The following LUZP2 variants were observed in gnomAD, a reference collection of about 807,000 sequenced individuals.
LUZP2 encodes leucine zipper protein 2.
In LUZP2, 52 loss-of-function variants were observed where a neutral mutation model predicts 51.6. The ratio of observed to expected loss-of-function variants is 1.01; its 90% CI spans 0.81 to 1.27. LUZP2 has a LOEUF of 1.27. Ranked by LOEUF, LUZP2 falls within the 50% of genes most tolerant of loss-of-function variation. The pLI, the probability that LUZP2 is intolerant of heterozygous loss-of-function variation, is 0.00. For synonymous variants in LUZP2, 154 were observed against 137.3 expected, an observed-to-expected ratio of 1.12 and a Z score of -0.85; for missense variants, 436 against 395.4, an observed-to-expected ratio of 1.10 and a Z score of -0.87.
At chr11:24,550,486 A>AC (rs1365810652) in intron 1 of LUZP2, among the ~76,000 whole-genome samples, 2 of 152,072 alleles carry the variant, frequency 1.3e-5, no homozygotes, top group Non-Finnish European at 2.9e-5. Context: ...TCAAATTTCT[A>AC]CCTGTTTTTT....
At chr11:24,939,065 CTCT>C (rs1854671597) in intron 7 of LUZP2, among the ~76,000 whole-genome samples, 3 of 151,996 alleles carry the variant, frequency 2.0e-5, no homozygotes, top group African/African-American at 7.3e-5. Flanking sequence ...TTTTCTCTCT[CTCT>C]CTCTCTTTTT....
At chr11:24,548,106 T>C (rs1228317723) in intron 1 of LUZP2, among the ~76,000 whole-genome samples, 3 of 152,098 alleles carry the variant, frequency 2.0e-5, no homozygotes, top group Admixed American at 2.0e-4. Flanking sequence ...CTGGTGGAAA[T>C]GTAAATTAGT....
chr11:24,521,219 C>T (rs1850629068), intron 1 of LUZP2, among the ~76,000 whole-genome samples: 2 of 151,872 alleles, frequency 1.3e-5, no homozygotes, highest in Non-Finnish European at 1.5e-5. Flanking sequence ...GGCATGGTGG[C>T]GTGGGCCTGT....
Position 24,497,193 on chromosome 11 carries a change from AAGAG to A in LUZP2, c.-41_-38del, listed in dbSNP as rs780560411. On this transcript the variant is annotated 5_prime_UTR_variant, in exon 1 of 12. Transcript: ENST00000336930. ...GGCACCAAGGAGCGACAGGATCCCG[AAGAG>A]AGAGAGAGAAGGCAGCGAGGGAAGG... 5 of 1,476,464 alleles carry A rather than the reference AAGAG, an allele frequency of 3.4e-6. No individual in the cohort carries two copies. Among genetic ancestry groups the A allele is most frequent in the Non-Finnish European group, 2.7e-6 (3 of 1,094,412 alleles). 91.5% of individuals were successfully genotyped at this position (1,476,464 alleles called of 1,614,324 possible).
chr11:24,762,070 G>C (rs541903920), intron 4 of LUZP2, among the ~76,000 whole-genome samples: 58 of 125,266 alleles, frequency 4.6e-4, no homozygotes, highest in Non-Finnish European at 7.4e-4. Flanking sequence ...TTAATGTGTA[G>C]GGTTAGCCCA....
At chr11:24,553,085 T>C (rs10767212) in intron 1 of LUZP2, among the ~76,000 whole-genome samples, 63,367 of 151,252 alleles carry the variant, frequency 0.42, 13,780 homozygotes, top group African/African-American at 0.51. Context: ...ACGTTATTTT[T>C]GCAAAGACAA....
chr11:25,007,155 T>C (rs1041452283), intron 9 of LUZP2, among the ~76,000 whole-genome samples: 2 of 152,168 alleles, frequency 1.3e-5, no homozygotes, highest in African/African-American at 4.8e-5. Context: ...CACTGATTGG[T>C]GCATTTACAA....
At chr11:24,798,274 G>A (rs1849603581) in intron 5 of LUZP2, among the ~76,000 whole-genome samples, 1 of 151,588 alleles carries the variant, frequency 6.6e-6, no homozygotes, top group South Asian at 2.1e-4. Flanking sequence ...TTGGAGTTCA[G>A]TGGCAAGATC....
At chr11:24,745,451 T>C (rs1443383739) in intron 4 of LUZP2, among the ~76,000 whole-genome samples, 2 of 152,184 alleles carry the variant, frequency 1.3e-5, no homozygotes, top group African/African-American at 4.8e-5. Context: ...CCTTTTACCA[T>C]TATATAATGT....
At chr11:24,652,163 G>A (rs1855647927) in intron 1 of LUZP2, among the ~76,000 whole-genome samples, 1 of 151,856 alleles carries the variant, frequency 6.6e-6, no homozygotes, top group African/African-American at 2.4e-5. Context: ...CATTCTTCTG[G>A]AGAAAGCTAA....
chr11:24,642,739 T>A (rs1855332952), intron 1 of LUZP2, among the ~76,000 whole-genome samples: 1 of 152,048 alleles, frequency 6.6e-6, no homozygotes, highest in African/African-American at 2.4e-5. Flanking sequence ...TGGGCATGTC[T>A]GTCTCAACTC....
At chr11:24,758,053 T>A (rs1859839356) in intron 4 of LUZP2, among the ~76,000 whole-genome samples, 2 of 152,160 alleles carry the variant, frequency 1.3e-5, no homozygotes, top group Admixed American at 6.5e-5. Flanking sequence ...TCTCGTTATG[T>A]GAGCATATGC....
In LUZP2 at chr11:24,637,983, A is replaced by C. The variant is rs1855161100; in HGVS notation, c.63-91186A>C. ...CAGGGTCACCATCATGGTCCTACCA[A>C]TATGTGATGACACCTCCGAAGTCCC... On this transcript the variant is annotated intron_variant, in intron 1 of 11. Transcript: ENST00000336930. Among the ~76,000 whole-genome samples the C allele has an allele frequency of 2.0e-5, 3 of 151,764 alleles. No individual in the cohort carries two copies. In the South Asian group the frequency reaches 6.2e-4, roughly 31 times the overall value.
intron 10 of LUZP2, among the ~76,000 whole-genome samples, chr11:25,073,380 G>T (rs1373943399): frequency 6.6e-6 from 1 of 152,080 alleles, no homozygotes; most frequent in African/African-American, 2.4e-5. Context: ...TAAAACAAAG[G>T]AAACTTTGGT....
chr11:24,534,852 T>C (rs1851123137), intron 1 of LUZP2, among the ~76,000 whole-genome samples: 1 of 151,440 alleles, frequency 6.6e-6, no homozygotes, highest in African/African-American at 2.4e-5. Flanking sequence ...GACTATTTTG[T>C]GGTCCTTGGC....
At chr11:24,616,680 A>G (rs963590095) in intron 1 of LUZP2, among the ~76,000 whole-genome samples, 1 of 152,148 alleles carries the variant, frequency 6.6e-6, no homozygotes, top group Non-Finnish European at 1.5e-5. Context: ...TACTTCCACT[A>G]ATACCACACA....
At chr11:24,617,337 G>C (rs1394157391) in intron 1 of LUZP2, among the ~76,000 whole-genome samples, 1 of 151,524 alleles carries the variant, frequency 6.6e-6, no homozygotes, top group African/African-American at 2.4e-5. Flanking sequence ...CCTGATTTGT[G>C]GCTACCTCCT....
At chr11:24,834,515 T>C (rs767565247) in intron 5 of LUZP2, among the ~76,000 whole-genome samples, 2 of 152,220 alleles carry the variant, frequency 1.3e-5, no homozygotes, top group African/African-American at 2.4e-5. Flanking sequence ...TTGGGTTGGT[T>C]TGAAGTCTTT....
At chr11:24,505,965 T>G (rs963430539) in intron 1 of LUZP2, among the ~76,000 whole-genome samples, 2 of 152,092 alleles carry the variant, frequency 1.3e-5, no homozygotes, top group African/African-American at 4.8e-5. Context: ...TTAATTATTT[T>G]AAAGAGGATT....
Sources: gnomAD v4.1 joint callset for allele counts (sites outside exome capture counted in the v4.1 genomes callset) on GRCh38, gnomAD v4.1.1 for gene constraint, MANE v1.5 for transcripts, NCBI Gene and HGNC (gene_info 2026-07-23, HGNC 2026-07-21) for gene names.